ARHGEF12: variants seen among roughly 807,000 people sequenced by gnomAD.
The protein encoded by ARHGEF12 is Rho guanine nucleotide exchange factor 12.
Under a neutral mutation model 211.2 loss-of-function variants are expected in ARHGEF12, and 66 were observed. That is an observed-to-expected ratio of 0.31 (90% confidence interval 0.26 to 0.38). ARHGEF12 has a LOEUF of 0.38. Ranked by LOEUF, ARHGEF12 falls within the 10% of genes least tolerant of loss-of-function variation. ARHGEF12 has a pLI of 1.00. For synonymous variants in ARHGEF12, 592 were observed against 638.4 expected, an observed-to-expected ratio of 0.93 and a Z score of 1.09; for missense variants, 1,429 against 1,869.5, an observed-to-expected ratio of 0.76 and a Z score of 4.34.
intron 1 of ARHGEF12, among the ~76,000 whole-genome samples, chr11:120,361,719 A>G (rs1281976416): frequency 6.6e-6 from 1 of 152,086 alleles, no homozygotes; most frequent in Non-Finnish European, 1.5e-5. Flanking sequence ...TACATATCTC[A>G]TAGTTCTAGT....
rs1249799975 is a variant in ARHGEF12 at position 120,487,716 on chromosome 11, AGTGACCTGCT to A, written c.*2645_*2654del. The A allele has an allele frequency of 4.5e-6, 1 of 219,970 alleles. No homozygotes were observed. Among genetic ancestry groups the A allele is most frequent in the African/African-American group, 2.2e-5 (1 of 44,520 alleles). The allele number at this position is 219,970 out of a possible 1,614,324, so 13.6% of individuals were successfully genotyped here. A position where few individuals can be genotyped will look rare whatever the true frequency, so the allele number is the denominator to read the frequency against. On this transcript the variant is annotated 3_prime_UTR_variant, in exon 41 of 41. Coordinates refer to ENST00000397843, the MANE Select transcript of ARHGEF12 (RefSeq NM_015313.3). ...AAGCAGGCTGCATTTTAGCTATGGA[AGTGACCTGCT>A]GTGACACTGTGCTCTCTTCTGTGGG...
chr11:120,383,055 C>T (rs1032906696), intron 1 of ARHGEF12, among the ~76,000 whole-genome samples: 3 of 152,120 alleles, frequency 2.0e-5, no homozygotes, highest in African/African-American at 2.4e-5. Flanking sequence ...AGGGGAATGG[C>T]GCGAACCCAG....
At chr11:120,369,854 G>A (rs1304021590) in intron 1 of ARHGEF12, among the ~76,000 whole-genome samples, 2 of 152,094 alleles carry the variant, frequency 1.3e-5, no homozygotes, top group African/African-American at 2.4e-5. Context: ...CTTTTTGGGG[G>A]ACGAGGCAAG....
intron 28 of ARHGEF12, among the ~76,000 whole-genome samples, chr11:120,466,982 G>A (rs971366366): frequency 6.6e-6 from 1 of 152,186 alleles, no homozygotes; most frequent in Non-Finnish European, 1.5e-5. Flanking sequence ...CAGATAACAA[G>A]CCATTCATTT....
chr11:120,353,416 T>C (rs796536493), intron 1 of ARHGEF12, among the ~76,000 whole-genome samples: 9 of 152,210 alleles, frequency 5.9e-5, no homozygotes, highest in African/African-American at 2.2e-4. Flanking sequence ...TTCTGGCCAG[T>C]CCTAGGTCTG....
At chr11:120,399,502 T>C (rs190302693) in intron 1 of ARHGEF12, among the ~76,000 whole-genome samples, 76 of 152,212 alleles carry the variant, frequency 5.0e-4, no homozygotes, top group African/African-American at 1.5e-3. Context: ...CTGTCTGGCA[T>C]ATGTATGACT....
At chr11:120,366,675 C>T (rs1943429771) in intron 1 of ARHGEF12, among the ~76,000 whole-genome samples, 1 of 152,174 alleles carries the variant, frequency 6.6e-6, no homozygotes, top group African/African-American at 2.4e-5. Flanking sequence ...ACTTTTCCAT[C>T]TTCTCCACTC....
Position 120,376,788 on chromosome 11 carries a change from C to T in ARHGEF12, c.33-29330C>T, listed in dbSNP as rs920167878. Among the ~76,000 whole-genome samples, 7 of 152,008 alleles carry T rather than the reference C, an allele frequency of 4.6e-5. No homozygotes were observed. In the South Asian group the frequency reaches 1.5e-3, roughly 32 times the overall value. ...GTATCCTTTAACAATCCCAACTTCC[C>T]CAACCCCCCACTACCCTTCCCAGCC... On this transcript the variant is annotated intron_variant, in intron 1 of 40. Coordinates refer to ENST00000397843, the MANE Select transcript of ARHGEF12 (RefSeq NM_015313.3).
chr11:120,479,512 A>G (rs1186180544), intron 37 of ARHGEF12, among the ~76,000 whole-genome samples: 1 of 152,226 alleles, frequency 6.6e-6, no homozygotes, highest in African/African-American at 2.4e-5. Context: ...ATTAGAGGAA[A>G]TAATATGCAT....
chr11:120,368,071 T>C (rs1447261626), intron 1 of ARHGEF12, among the ~76,000 whole-genome samples: 3 of 152,134 alleles, frequency 2.0e-5, no homozygotes, highest in African/African-American at 7.2e-5. Flanking sequence ...ATAATATTCT[T>C]ATATTTGAGT....
At chr11:120,450,862 C>A (rs1485153465) in intron 21 of ARHGEF12, 1 of 152,342 alleles carries the variant, frequency 6.6e-6, no homozygotes, top group African/African-American at 2.4e-5. Context: ...CCATGTCTCT[C>A]AGCATTCCTC....
chr11:120,467,177 T>C lies in ARHGEF12; in HGVS notation c.2740-17T>C. On this transcript the variant is annotated splice_polypyrimidine_tract_variant and intron_variant, in intron 28 of 40. Transcript: ENST00000397843. ...CAAATAAGAATTACAGATTCACTTATTTCACTTTAATTTTAGGATGCTGAA... is the reference window on the plus strand; with the variant it reads ...CAAATAAGAATTACAGATTCACTTACTTCACTTTAATTTTAGGATGCTGAA... 6.6e-7 allele frequency: 1 copy of C among 1,511,748 alleles called. No homozygotes were observed. The highest frequency in any genetic ancestry group is 9.2e-7 in the Non-Finnish European group (1 of 1,088,846). 93.6% of individuals were successfully genotyped at this position (1,511,748 alleles called of 1,614,324 possible). A position where few individuals can be genotyped will look rare whatever the true frequency, so the allele number is the denominator to read the frequency against.
chr11:120,471,277 T>C (rs1946857906), intron 30 of ARHGEF12, among the ~76,000 whole-genome samples: 1 of 152,076 alleles, frequency 6.6e-6, no homozygotes, highest in African/African-American at 2.4e-5. Flanking sequence ...CCCTGAGTGA[T>C]AGGAAAGGAA....
At chr11:120,483,241 A>G (rs142350706) in intron 39 of ARHGEF12, among the ~76,000 whole-genome samples, 175 of 148,680 alleles carry the variant, frequency 1.2e-3, no homozygotes, top group African/African-American at 4.0e-3. Context: ...AGGTTTCTAC[A>G]TGTGCTCCAT....
chr11:120,383,233 G>A (rs1238277963), intron 1 of ARHGEF12, among the ~76,000 whole-genome samples: 1 of 152,058 alleles, frequency 6.6e-6, no homozygotes, highest in Non-Finnish European at 1.5e-5. Flanking sequence ...AGAGTGTAGT[G>A]GTGTTTGGTT....
At chr11:120,380,748 A>T (rs779247486) in intron 1 of ARHGEF12, among the ~76,000 whole-genome samples, 3 of 152,140 alleles carry the variant, frequency 2.0e-5, no homozygotes, top group Non-Finnish European at 4.4e-5. Context: ...GAAGGGGGAG[A>T]TATCTACATA....
chr11:120,400,395 T>C (rs1021043479), intron 1 of ARHGEF12, among the ~76,000 whole-genome samples: 1 of 152,146 alleles, frequency 6.6e-6, no homozygotes, highest in African/African-American at 2.4e-5. Context: ...TCCATAAGCA[T>C]GAATTTGGTG....
intron 26 of ARHGEF12, among the ~76,000 whole-genome samples, chr11:120,460,372 T>A (rs1417113776): frequency 6.6e-6 from 1 of 152,212 alleles, no homozygotes; most frequent in African/African-American, 2.4e-5. Context: ...AAATTCAAGT[T>A]CTTTTTGAGC....
At chr11:120,361,011 A>T (rs76247469) in intron 1 of ARHGEF12, among the ~76,000 whole-genome samples, 1 of 152,186 alleles carries the variant, frequency 6.6e-6, no homozygotes, top group Non-Finnish European at 1.5e-5. Flanking sequence ...TTAAATTTTG[A>T]TGTTAATAAG....
Sources: allele counts gnomAD v4.1 joint callset (sites outside exome capture counted in the v4.1 genomes callset), GRCh38; gene constraint gnomAD v4.1.1; transcripts MANE v1.5; gene names NCBI Gene and HGNC (gene_info 2026-07-23, HGNC 2026-07-21).